The following CCDC91 variants were observed in gnomAD, a reference collection of about 807,000 sequenced individuals.
The protein encoded by CCDC91 is coiled-coil domain containing 91.
In CCDC91, 48 loss-of-function variants were observed where a neutral mutation model predicts 63.2. That is an observed-to-expected ratio of 0.76 (90% CI 0.60 to 0.97). CCDC91 has a LOEUF of 0.97. Ranked by LOEUF, CCDC91 falls within the 50% of genes least tolerant of loss-of-function variation. CCDC91 has a pLI of 0.00. For synonymous variants in CCDC91, 167 were observed against 165.8 expected (o/e 1.01, Z -0.06); for missense variants, 500 against 494.6 (o/e 1.01, Z -0.10).
intron 2 of CCDC91, among the ~76,000 whole-genome samples, chr12:28,258,225 G>A (rs1946577791): frequency 6.6e-6 from 1 of 151,834 alleles, no homozygotes; most frequent in South Asian, 2.1e-4. Flanking sequence ...GTTTTGTTGA[G>A]TGATTGAATC....
At chr12:28,448,170 C>T (rs1171068925) in intron 8 of CCDC91, among the ~76,000 whole-genome samples, 1 of 151,966 alleles carries the variant, frequency 6.6e-6, no homozygotes. Flanking sequence ...AAATAAAGAC[C>T]TAGTAACTTA....
intron 12 of CCDC91, among the ~76,000 whole-genome samples, chr12:28,497,169 G>A (rs914389457): frequency 1.3e-5 from 2 of 150,930 alleles, no homozygotes; most frequent in African/African-American, 4.9e-5. Flanking sequence ...TGAGTCCTTG[G>A]CATCATCTGT....
intron 7 of CCDC91, among the ~76,000 whole-genome samples, chr12:28,377,021 T>A (rs969957012): frequency 5.3e-5 from 8 of 151,848 alleles, no homozygotes; most frequent in African/African-American, 1.9e-4. Flanking sequence ...TCCAACTTGA[T>A]GCAAATAAGG....
At chr12:28,451,943 G>A (rs1949821598) in intron 10 of CCDC91, among the ~76,000 whole-genome samples, 2 of 151,566 alleles carry the variant, frequency 1.3e-5, no homozygotes, top group African/African-American at 4.8e-5. Flanking sequence ...ACAGAAGGAA[G>A]AAATAAGAAT....
At chr12:28,446,394 C>G (rs1335125463) in intron 8 of CCDC91, among the ~76,000 whole-genome samples, 4 of 152,014 alleles carry the variant, frequency 2.6e-5, no homozygotes, top group Admixed American at 1.3e-4. Flanking sequence ...AAAAACATCT[C>G]AAATGAAGAA....
At chr12:28,304,754 C>G in intron 3 of CCDC91, 1 of 700,046 alleles carries the variant, frequency 1.4e-6, no homozygotes, top group South Asian at 1.7e-5. Context: ...ATGGGCTGCA[C>G]CAAAAAGTGA....
At chr12:28,440,275 C>T (rs1341271177) in intron 8 of CCDC91, among the ~76,000 whole-genome samples, 3 of 152,120 alleles carry the variant, frequency 2.0e-5, no homozygotes, top group Non-Finnish European at 4.4e-5. Context: ...TTTTGTTTCT[C>T]CCATATTGCC....
Position 28,529,647 on chromosome 12 carries a change from A to G in CCDC91, c.1216-19416A>G, listed in dbSNP as rs145446962. ...GCTTTGAGATGGGGAACAGGAATGTATGTGTAGACAAGGGCATATTTTTCA... is the reference window on the plus strand; with the variant it reads ...GCTTTGAGATGGGGAACAGGAATGTGTGTGTAGACAAGGGCATATTTTTCA... On this transcript the variant is annotated intron_variant, in intron 12 of 12. Transcript: ENST00000536442. 1.0e-3 allele frequency among the ~76,000 whole-genome samples: 155 copies of G among 152,306 alleles called. No homozygotes were observed. The Middle Eastern group carries it at 0.02, about 20-fold the overall frequency.
chr12:28,208,724 G>A (rs1295861976), intron 1 of CCDC91, among the ~76,000 whole-genome samples: 2 of 152,152 alleles, frequency 1.3e-5, no homozygotes, highest in African/African-American at 4.8e-5. Flanking sequence ...ATAGAGGGAA[G>A]ACTTAACTTT....
At chr12:28,304,380 AAAAAAAAAAAAAAAAAAAAAAG>A (rs1938439063) in intron 3 of CCDC91, among the ~76,000 whole-genome samples, 3 of 30,980 alleles carry the variant, frequency 9.7e-5, no homozygotes, top group African/African-American at 1.4e-4. Flanking sequence ...CCGTCTAAAA[AAAAAAAAAAAAAAAAAAAAAAG>A]AAAAAAAAAA....
chr12:28,382,107 C>A (rs1945330516), intron 7 of CCDC91, among the ~76,000 whole-genome samples: 1 of 151,978 alleles, frequency 6.6e-6, no homozygotes, highest in Non-Finnish European at 1.5e-5. Flanking sequence ...CACTTAGTCT[C>A]ACAATCTAGT....
chr12:28,268,240 GT>G (rs1161075960), intron 3 of CCDC91, among the ~76,000 whole-genome samples: 9 of 150,846 alleles, frequency 6.0e-5, no homozygotes, highest in Non-Finnish European at 1.2e-4. Flanking sequence ...ATGTTTTGTA[GT>G]TTTAGTAGAG....
chr12:28,309,711 T>A (rs1939120590), intron 6 of CCDC91, among the ~76,000 whole-genome samples: 1 of 152,096 alleles, frequency 6.6e-6, no homozygotes, highest in African/African-American at 2.4e-5. Context: ...CTTTGGTATA[T>A]CTTCAATTGG....
rs188085652 is a variant in CCDC91, at chr12:28,534,415, G to A, written c.1216-14648G>A. ...TTTCCAATATAAGGAACCTTGTAGA[G>A]GGAGCATCAAATAGTAAGGTGAAGT... On this transcript the variant is annotated intron_variant, in intron 12 of 12. Transcript: ENST00000536442. Among the ~76,000 whole-genome samples, 323 of 152,240 alleles carry A rather than the reference G, an allele frequency of 2.1e-3. 5 individuals carry two copies. The highest frequency in any genetic ancestry group is 1.1e-3 in the Non-Finnish European group (75 of 68,008).
chr12:28,478,318 A>T (rs149015724), intron 11 of CCDC91, among the ~76,000 whole-genome samples: 1 of 152,176 alleles, frequency 6.6e-6, no homozygotes, highest in African/African-American at 2.4e-5. Context: ...CATATCTACA[A>T]CCATCTGATC....
Position 28,450,334 on chromosome 12 carries a change from T to C in CCDC91, c.856-16T>C. The C allele has an allele frequency of 6.2e-7, 1 of 1,608,856 alleles. No homozygotes were observed. Among genetic ancestry groups the C allele is most frequent in the Non-Finnish European group, 8.5e-7 (1 of 1,175,668 alleles). On this transcript the variant is annotated splice_polypyrimidine_tract_variant and intron_variant, in intron 9 of 12. Transcript: ENST00000536442. ...AATACATTTAATGTCTTTCCAACTGTTTTATCATTTGACAGGAAATATTGG... is the reference window on the plus strand; with the variant it reads ...AATACATTTAATGTCTTTCCAACTGCTTTATCATTTGACAGGAAATATTGG...
At chr12:28,434,631 G>T (rs1592664291) in intron 8 of CCDC91, among the ~76,000 whole-genome samples, 1 of 135,518 alleles carries the variant, frequency 7.4e-6, no homozygotes, top group African/African-American at 2.8e-5. Flanking sequence ...ATTGGGGGGT[G>T]GGTAATGCTG....
chr12:28,373,607 T>C (rs1451322556), intron 7 of CCDC91, among the ~76,000 whole-genome samples: 7 of 56,338 alleles, frequency 1.2e-4, no homozygotes, highest in Admixed American at 5.6e-4. Flanking sequence ...AATACAAGTT[T>C]CTATACATTT....
intron 3 of CCDC91, among the ~76,000 whole-genome samples, chr12:28,267,852 G>GTAATATATAATTATATAT (rs1947378702): frequency 1.9e-4 from 5 of 26,168 alleles, no homozygotes; most frequent in African/African-American, 6.9e-4. Flanking sequence ...TAATTATATA[G>GTAATATATAATTATATAT]TAATATATAA....
Sources: allele counts gnomAD v4.1 joint callset (sites outside exome capture counted in the v4.1 genomes callset), GRCh38; gene constraint gnomAD v4.1.1; transcripts MANE v1.5; gene names NCBI Gene and HGNC (gene_info 2026-07-23, HGNC 2026-07-21).